STPG2: variants seen among roughly 807,000 people sequenced by gnomAD.
STPG2 encodes the protein sperm-tail PG-rich repeat-containing protein 2.
STPG2 carries 56 observed loss-of-function variants against 54.2 expected under a neutral mutation model. The ratio of observed to expected loss-of-function variants is 1.03; its 90% CI spans 0.83 to 1.29. The LOEUF (loss-of-function observed/expected upper bound fraction) is 1.29. Ranked by LOEUF, STPG2 falls within the 50% of genes most tolerant of loss-of-function variation. The pLI is 0.00. For synonymous variants in STPG2, 200 were observed against 181.8 expected (o/e 1.10, Z -0.81); for missense variants, 596 against 544.9 (o/e 1.09, Z -0.93).
At chr4:98,075,753 G>GA (rs1391614606) in intron 5 of STPG2, among the ~76,000 whole-genome samples, 2 of 151,906 alleles carry the variant, frequency 1.3e-5, no homozygotes, top group Admixed American at 1.3e-4. Flanking sequence ...AAATGAGAAG[G>GA]AAAAAAATAG....
chr4:97,652,915 T>C (rs1722110856), intron 10 of STPG2, among the ~76,000 whole-genome samples: 1 of 152,016 alleles, frequency 6.6e-6, no homozygotes, highest in Non-Finnish European at 1.5e-5. Context: ...AGTTACTGGG[T>C]ACTAAGAGAG....
chr4:97,538,648 C>T (rs559775453), intron 4 of STPG2, among the ~76,000 whole-genome samples: 23 of 152,242 alleles, frequency 1.5e-4, no homozygotes, highest in Middle Eastern at 3.4e-3. Flanking sequence ...ACTTCCCCAA[C>T]CTAGCAAGGC....
chr4:97,862,123 C>G (rs1272360632), intron 8 of STPG2, among the ~76,000 whole-genome samples: 1 of 151,978 alleles, frequency 6.6e-6, no homozygotes, highest in Non-Finnish European at 1.5e-5. Flanking sequence ...AAGACACAGA[C>G]TGGCAAATTG....
At chr4:97,793,967 C>T (rs1326143137) in intron 9 of STPG2, among the ~76,000 whole-genome samples, 1 of 151,858 alleles carries the variant, frequency 6.6e-6, no homozygotes, top group Non-Finnish European at 1.5e-5. Context: ...TATTTTAATG[C>T]AATAATTTTT....
At chr4:97,752,012 T>C (rs956442787) in intron 9 of STPG2, among the ~76,000 whole-genome samples, 2 of 151,766 alleles carry the variant, frequency 1.3e-5, no homozygotes, top group African/African-American at 4.8e-5. Context: ...CTACTTTTTC[T>C]AATTAAAAAA....
chr4:97,464,613 C>A (rs1284600637), intron 4 of STPG2, among the ~76,000 whole-genome samples: 2 of 152,074 alleles, frequency 1.3e-5, no homozygotes, highest in Admixed American at 1.3e-4. Context: ...CACAAGGTTT[C>A]CCAGACAAGT....
At chr4:98,064,743 G>C (rs1420099969) in intron 5 of STPG2, among the ~76,000 whole-genome samples, 1 of 152,132 alleles carries the variant, frequency 6.6e-6, no homozygotes, top group Admixed American at 6.5e-5. Context: ...AGTAATTCAA[G>C]AGTGGCTTAA....
chr4:97,731,222 G>A (rs918527659), intron 9 of STPG2, among the ~76,000 whole-genome samples: 4 of 152,188 alleles, frequency 2.6e-5, no homozygotes, highest in South Asian at 2.1e-4. Flanking sequence ...TGTGGTGTAC[G>A]CTGAGTATAG....
intron 4 of STPG2, chr4:97,441,374 A>G (rs1050928822): frequency 2.0e-5 from 3 of 152,040 alleles, no homozygotes; most frequent in Non-Finnish European, 4.4e-5. Flanking sequence ...TCTGAAAAAA[A>G]CAAATATTAT....
intron 9 of STPG2, among the ~76,000 whole-genome samples, chr4:97,793,396 C>T (rs1180147847): frequency 6.6e-6 from 1 of 150,840 alleles, no homozygotes; most frequent in Non-Finnish European, 1.5e-5. Context: ...CACACACACA[C>T]ACACACAGAG....
chr4:97,599,357 G>A (rs13150430), intron 10 of STPG2, among the ~76,000 whole-genome samples: 97,216 of 152,046 alleles, frequency 0.64, 31,445 homozygotes, highest in African/African-American at 0.73. Context: ...AAAGAACTTA[G>A]AACAGAACTA....
intron 9 of STPG2, among the ~76,000 whole-genome samples, chr4:97,739,429 G>A (rs953773767): frequency 6.6e-5 from 10 of 152,102 alleles, no homozygotes; most frequent in South Asian, 4.1e-4. Context: ...CCAGGAGCTG[G>A]TTTTTTGAAA....
intron 4 of STPG2, among the ~76,000 whole-genome samples, chr4:97,535,296 C>T (rs1041762559): frequency 6.6e-6 from 1 of 152,168 alleles, no homozygotes; most frequent in Non-Finnish European, 1.5e-5. Flanking sequence ...AGTACCACCA[C>T]CAAGTTTGTT....
At chr4:98,055,633 G>A (rs13112131) in intron 5 of STPG2, among the ~76,000 whole-genome samples, 59,961 of 152,016 alleles carry the variant, frequency 0.39, 12,060 homozygotes, top group Middle Eastern at 0.46. Context: ...CAGCAAGCCA[G>A]CTGAAGTAGA....
chr4:97,890,864 ACAT>A (rs1730743678), intron 8 of STPG2, among the ~76,000 whole-genome samples: 1 of 152,022 alleles, frequency 6.6e-6, no homozygotes, highest in Non-Finnish European at 1.5e-5. Context: ...TATGAAATAT[ACAT>A]CAGCACATGT....
chr4:97,632,419 AT>A (rs1484968778), intron 10 of STPG2, among the ~76,000 whole-genome samples: 1 of 152,052 alleles, frequency 6.6e-6, no homozygotes, highest in Non-Finnish European at 1.5e-5. Flanking sequence ...ATAATAAAAA[AT>A]CTAATAAAAT....
At chr4:97,859,167 T>G (rs1270099184) in intron 8 of STPG2, among the ~76,000 whole-genome samples, 1 of 152,210 alleles carries the variant, frequency 6.6e-6, no homozygotes, top group Non-Finnish European at 1.5e-5. Flanking sequence ...TTTTTTTTCA[T>G]ACGTTTGTTG....
chr4:97,554,226 A>G (rs72889082), downstream of STPG2, among the ~76,000 whole-genome samples: 10,926 of 152,152 alleles, frequency 0.072, 1,113 homozygotes, highest in African/African-American at 0.23. Context: ...AGCTCACTCT[A>G]TGCTGAGCAG....
At chr4:97,767,264 C>G (rs952505347) in intron 9 of STPG2, among the ~76,000 whole-genome samples, 11 of 152,008 alleles carry the variant, frequency 7.2e-5, no homozygotes, top group Non-Finnish European at 1.3e-4. Context: ...TTAATCAGCT[C>G]CTTCATTTTA....
Sources: allele counts gnomAD v4.1 joint callset (sites outside exome capture counted in the v4.1 genomes callset), GRCh38; gene constraint gnomAD v4.1.1; transcripts MANE v1.5; gene names NCBI Gene and HGNC (gene_info 2026-07-23, HGNC 2026-07-21).